The following DRC11 variants were observed in gnomAD, a reference collection of about 807,000 sequenced individuals.
DRC11 encodes dynein regulatory complex subunit 11.
At chr2:236,404,543 C>T in the DRC11 span, among the ~76,000 whole-genome samples, 2 of 152,232 alleles carry the variant, frequency 1.3e-5, no homozygotes, top group African/African-American at 4.8e-5. Flanking sequence ...GGCTCCCAGT[C>T]AAGCAACGGT....
chr2:236,357,514 A>G, the DRC11 span, among the ~76,000 whole-genome samples: 2 of 126,874 alleles, frequency 1.6e-5, no homozygotes, highest in South Asian at 2.3e-4. Flanking sequence ...CATATTATAA[A>G]TATATTTATA....
chr2:236,416,781 G>A, the DRC11 span, among the ~76,000 whole-genome samples: 7 of 117,782 alleles, frequency 5.9e-5, no homozygotes, highest in African/African-American at 1.5e-4. Context: ...ATAATTTTGC[G>A]ACAGAGTCTT....
chr2:236,360,959 C>T, the DRC11 span, among the ~76,000 whole-genome samples: 14 of 152,260 alleles, frequency 9.2e-5, no homozygotes, highest in Non-Finnish European at 8.8e-5. This position sits in a 1 kb window ranked among gnomAD's most constrained non-coding sequence, Gnocchi z 5.8. Context: ...GGCTCCACAA[C>T]GTACCATCCA....
chr2:236,419,257 G>T, the DRC11 span: 3 of 1,534,376 alleles, frequency 2.0e-6, no homozygotes, highest in African/African-American at 4.2e-5. The surrounding 1 kb of genome is among the most constrained non-coding windows in gnomAD (Gnocchi z 4.8). Flanking sequence ...GGTTTGCTAT[G>T]ATATCCTCAA....
the DRC11 span, among the ~76,000 whole-genome samples, chr2:236,362,307 T>C: frequency 6.6e-6 from 1 of 152,200 alleles, no homozygotes; most frequent in Non-Finnish European, 1.5e-5. This position sits in a 1 kb window ranked among gnomAD's most constrained non-coding sequence, Gnocchi z 5.7. Flanking sequence ...GGTGCATATA[T>C]ACACAGATTT....
the DRC11 span, among the ~76,000 whole-genome samples, chr2:236,451,392 T>C: frequency 3.9e-5 from 6 of 151,968 alleles, no homozygotes; most frequent in African/African-American, 1.2e-4. Flanking sequence ...TATATGAGTA[T>C]AGCTGCCTTG....
At chr2:236,316,176 T>TC in the DRC11 span, among the ~76,000 whole-genome samples, 10 of 151,116 alleles carry the variant, frequency 6.6e-5, no homozygotes, top group African/African-American at 2.0e-4. The surrounding 1 kb of genome is among the most constrained non-coding windows in gnomAD (Gnocchi z 6.8). Context: ...TCTCTCTCTC[T>TC]TTTTGAGATG....
the DRC11 span, among the ~76,000 whole-genome samples, chr2:236,414,348 T>A: frequency 6.6e-6 from 1 of 152,244 alleles, no homozygotes; most frequent in Non-Finnish European, 1.5e-5. Context: ...ATCTCAAAGC[T>A]TCATAGTTTT....
chr2:236,501,263 T>A, the DRC11 span, among the ~76,000 whole-genome samples: 1 of 152,092 alleles, frequency 6.6e-6, no homozygotes, highest in South Asian at 2.1e-4. Flanking sequence ...CGTGATCCAA[T>A]CACCTCCCAC....
chr2:236,452,221 A>T, the DRC11 span, among the ~76,000 whole-genome samples: 1 of 152,192 alleles, frequency 6.6e-6, no homozygotes, highest in Non-Finnish European at 1.5e-5. This position sits in a 1 kb window ranked among gnomAD's most constrained non-coding sequence, Gnocchi z 4.7. Context: ...ATATTGTCAA[A>T]AATTCTTGCA....
chr2:236,413,395 C>A, the DRC11 span, among the ~76,000 whole-genome samples: 1 of 152,212 alleles, frequency 6.6e-6, no homozygotes, highest in Non-Finnish European at 1.5e-5. The surrounding 1 kb of genome is among the most constrained non-coding windows in gnomAD (Gnocchi z 4.0). Context: ...TCAGTGGGCA[C>A]AGAAGATGCT....
At chr2:236,470,541 C>T in the DRC11 span, among the ~76,000 whole-genome samples, 3 of 152,114 alleles carry the variant, frequency 2.0e-5, no homozygotes, top group African/African-American at 2.4e-5. The surrounding 1 kb of genome is among the most constrained non-coding windows in gnomAD (Gnocchi z 5.1). Flanking sequence ...CCTCACGCTG[C>T]GGAATGCACC....
chr2:236,368,194 C>G, the DRC11 span: 2 of 1,593,702 alleles, frequency 1.3e-6, no homozygotes, highest in Non-Finnish European at 1.7e-6. Flanking sequence ...GAGTCTTTAC[C>G]TAATGGCCAG....
At chr2:236,340,862 C>T in the DRC11 span, among the ~76,000 whole-genome samples, 48 of 152,304 alleles carry the variant, frequency 3.2e-4, no homozygotes, top group Non-Finnish European at 4.9e-4. Flanking sequence ...TGGTGAGGTG[C>T]AGTCCCATGA....
the DRC11 span, among the ~76,000 whole-genome samples, chr2:236,328,726 C>T: frequency 6.6e-6 from 1 of 152,146 alleles, no homozygotes; most frequent in Non-Finnish European, 1.5e-5. This position sits in a 1 kb window ranked among gnomAD's most constrained non-coding sequence, Gnocchi z 6.7. Context: ...AGGCGATGAA[C>T]TCCTAATTTA....
At chr2:236,344,600 G>T in the DRC11 span, 1 of 1,613,700 alleles carries the variant, frequency 6.2e-7, no homozygotes, top group Non-Finnish European at 8.5e-7. Context: ...GGTTTTTTCT[G>T]TGTCTTCAAT....
the DRC11 span, among the ~76,000 whole-genome samples, chr2:236,336,418 C>G: frequency 5.2e-5 from 3 of 58,240 alleles, no homozygotes; most frequent in Admixed American, 1.4e-4. The surrounding 1 kb of genome is among the most constrained non-coding windows in gnomAD (Gnocchi z 7.3). Context: ...ATGCTGACCA[C>G]CACCACCACT....
At chr2:236,372,874 A>T in the DRC11 span, among the ~76,000 whole-genome samples, 2 of 152,072 alleles carry the variant, frequency 1.3e-5, no homozygotes, top group South Asian at 4.1e-4. This position sits in a 1 kb window ranked among gnomAD's most constrained non-coding sequence, Gnocchi z 4.5. Context: ...CGCCTCCCAG[A>T]GTGCTGAGAT....
At chr2:236,469,868 G>A in the DRC11 span, among the ~76,000 whole-genome samples, 3 of 152,178 alleles carry the variant, frequency 2.0e-5, no homozygotes, top group East Asian at 1.9e-4. This position sits in a 1 kb window ranked among gnomAD's most constrained non-coding sequence, Gnocchi z 5.8. Flanking sequence ...GAACACGATA[G>A]TATGCTATAT....
Sources: gnomAD v4.1 joint callset for allele counts (sites outside exome capture counted in the v4.1 genomes callset) on GRCh38, gnomAD v4.1.1 for gene constraint, Gnocchi (gnomAD v3.1) non-coding constraint, MANE v1.5 for transcripts, NCBI Gene and HGNC (gene_info 2026-07-23, HGNC 2026-07-21) for gene names.